Variants in ZNF783 observed in about 807,000 individuals in gnomAD.
ZNF783 encodes the protein zinc finger protein 783.
In ZNF783, 25 loss-of-function variants were observed where a neutral mutation model predicts 31.3. The ratio of observed to expected loss-of-function variants is 0.80; its 90% CI spans 0.58 to 1.11. The LOEUF is 1.11. Ranked by LOEUF, ZNF783 falls within the 50% of genes most tolerant of loss-of-function variation. The pLI is 0.00. For missense variants in ZNF783, 797 were observed against 760.0 expected (o/e 1.05, Z -0.57); for synonymous variants, 369 against 319.1 (o/e 1.16, Z -1.66).
At chr7:149,262,821 G>C (rs545216199) in intron 1 of ZNF783, among the ~76,000 whole-genome samples, 1 of 152,254 alleles carries the variant, frequency 6.6e-6, no homozygotes, top group Non-Finnish European at 1.5e-5. Context: ...TTTGGAATTA[G>C]ACACTTTAAA....
At chr7:149,267,273 C>T (rs878949546) in intron 4 of ZNF783, 51 bp downstream of exon 4, 4 of 1,536,936 alleles carry the variant, frequency 2.6e-6, no homozygotes, top group African/African-American at 1.4e-5. Context: ...GCTAGCTGCA[C>T]CATCGCCTAC....
At chr7:149,263,182 C>T (rs903601682) in intron 1 of ZNF783, among the ~76,000 whole-genome samples, 1 of 151,916 alleles carries the variant, frequency 6.6e-6, no homozygotes, top group Non-Finnish European at 1.5e-5. Flanking sequence ...CCGCCCCGGC[C>T]TCCCAAAGTG....
rs1420983878 is a variant in ZNF783 at position 149,282,134 on chromosome 7, C to T, written c.1432C>T (p.Pro478Ser). 1.0e-5 allele frequency: 16 copies of T among 1,599,576 alleles called. No homozygotes were observed. The highest frequency in any genetic ancestry group is 1.4e-5 in the Non-Finnish European group (16 of 1,179,350). The part of the protein sequence containing the change: ...CPYCGKAFRR[P>S]SDLFRHQRIH... ...CTACTGCGGCAAGGCCTTCCGCCGG[C>T]CCTCGGACCTCTTCCGGCACCAGCG... The change falls in exon 6 of 6, where the codon CCC (proline) becomes TCC (serine). Residue 478 changes from proline to serine, a missense_variant. Transcript: ENST00000434415.
In ZNF783 at chr7:149,282,026, C is replaced by T. The variant is rs758343751; in HGVS notation, c.1324C>T (p.Leu442=). 1.0e-4 allele frequency: 165 copies of T among 1,587,688 alleles called. No homozygotes were observed. Among genetic ancestry groups the T allele is most frequent in the Non-Finnish European group, 1.3e-4 (152 of 1,175,128 alleles). The change falls in exon 6 of 6, where the codon CTG becomes TTG. Residue 442 remains leucine (L), a synonymous_variant. Coordinates refer to ENST00000434415, the MANE Select transcript of ZNF783 (RefSeq NM_001195220.2). The part of the protein sequence containing the change: ...ASKMYHCSEC[L]RFFQQRKSLL... The stretch of plus-strand genomic sequence containing the variant: ...CAAGATGTACCACTGCAGCGAGTGC[C>T]TGCGCTTCTTCCAGCAGCGCAAGAG...
At position 149,279,654 on chromosome 7, in the gene ZNF783, T is replaced by TTA. The variant is rs1554479776; in HGVS notation, c.802+1127_802+1128insTA. ...TTTGTTTTTTTTTTTTTTTTTTTTT[T>TTA]AATTTTTTTTTTTTTATTGATCATT... On this transcript the variant is annotated intron_variant, in intron 5 of 5. Transcript: ENST00000434415. Among the ~76,000 whole-genome samples the TTA allele has an allele frequency of 5.4e-4, 69 of 128,354 alleles. No individual in the cohort carries two copies. In the South Asian group the frequency reaches 6.0e-3, roughly 11 times the overall value. 84.2% of individuals were successfully genotyped at this position (128,354 alleles called of 152,430 possible). A position where few individuals can be genotyped will look rare whatever the true frequency, so the allele number is the denominator to read the frequency against.
At chr7:149,280,277 CAGA>C (rs1420637596) in intron 5 of ZNF783, among the ~76,000 whole-genome samples, 1 of 152,214 alleles carries the variant, frequency 6.6e-6, no homozygotes, top group East Asian at 1.9e-4. Context: ...TTGATTAAGC[CAGA>C]AGGAGAGTCT....
At chr7:149,278,038 TGGA>T (rs1004147514) in intron 4 of ZNF783, 323 of 445,542 alleles carry the variant, frequency 7.2e-4, no homozygotes, top group South Asian at 1.1e-3. Context: ...AAGAGCAGCT[TGGA>T]GGAGGAGGAG....
At chr7:149,279,632 G>GTTTTTTTTTTTTTTTTTTTTTTTTTTTTT (rs764203926) in intron 5 of ZNF783, among the ~76,000 whole-genome samples, 1 of 100,342 alleles carries the variant, frequency 1.0e-5, no homozygotes, top group Non-Finnish European at 2.0e-5. Context: ...TTTTATCTTT[G>GTTTTTTTTTTTTTTTTTTTTTTTTTTTTT]TTTTTTTTTT....
At chr7:149,279,586 G>A (rs1019652061) in intron 5 of ZNF783, among the ~76,000 whole-genome samples, 35 of 151,654 alleles carry the variant, frequency 2.3e-4, no homozygotes, top group Non-Finnish European at 4.4e-4. Context: ...GGCCCTCGCC[G>A]AGTCTTTCTC....
chr7:149,281,968 C>T lies in ZNF783; in HGVS notation c.1266C>T (p.Gly422=). The change falls in exon 6 of 6, where the codon GGC becomes GGT. Residue 422 remains glycine (G), a synonymous_variant. Transcript: ENST00000434415. ...AGGGTCGCCGCTCCGTGGCAGGGGG[C>T]CGTGCCTTGGTGGGGCGGCGGCCTG... The part of the protein sequence containing the change: ...EPEGRRSVAG[G]RALVGRRPAA... 2 of 1,571,096 alleles carry T rather than the reference C, an allele frequency of 1.3e-6. No individual in the cohort carries two copies.
chr7:149,279,811 A>C (rs1797420259), intron 5 of ZNF783, among the ~76,000 whole-genome samples: 1 of 151,830 alleles, frequency 6.6e-6, no homozygotes. Context: ...ACAGGAACCC[A>C]AGGCAGAAGA....
intron 1 of ZNF783, among the ~76,000 whole-genome samples, chr7:149,262,575 G>A (rs1055021146): frequency 3.5e-4 from 54 of 152,240 alleles, no homozygotes; most frequent in Non-Finnish European, 7.3e-5. Flanking sequence ...GTCAGCGGCT[G>A]ACGATCCGGC....
intron 4 of ZNF783, among the ~76,000 whole-genome samples, chr7:149,270,284 A>G (rs1797179907): frequency 6.6e-6 from 1 of 152,198 alleles, no homozygotes; most frequent in Non-Finnish European, 1.5e-5. Flanking sequence ...GCACGCCACC[A>G]TATCCGGCTA....
At chr7:149,265,555 G>T (rs1376538959) in intron 1 of ZNF783, among the ~76,000 whole-genome samples, 3 of 152,126 alleles carry the variant, frequency 2.0e-5, no homozygotes, top group Non-Finnish European at 4.4e-5. Flanking sequence ...TCTTACAAGG[G>T]CGCTAATCCT....
intron 1 of ZNF783, among the ~76,000 whole-genome samples, chr7:149,265,497 A>G (rs1436438300): frequency 3.3e-5 from 5 of 152,012 alleles, no homozygotes; most frequent in South Asian, 2.1e-4. Context: ...CTGCCTTCTC[A>G]TTGTATCCTC....
rs750836942 is a variant in ZNF783, at chr7:149,281,664, C to A, written c.962C>A (p.Pro321His). The A allele has an allele frequency of 6.6e-7, 1 of 1,521,302 alleles. No individual in the cohort carries two copies. Among genetic ancestry groups the A allele is most frequent in the Non-Finnish European group, 8.7e-7 (1 of 1,146,316 alleles). The allele number at this position is 1,521,302 out of a possible 1,614,324, so 94.2% of individuals were successfully genotyped here. A position where few individuals can be genotyped will look rare whatever the true frequency, so the allele number is the denominator to read the frequency against. The change falls in exon 6 of 6, where the codon CCC (proline) becomes CAC (histidine). Residue 321 changes from proline (P) to histidine (H), a missense_variant. Pro to His is a moderately conservative substitution (Grantham distance 77). Transcript: ENST00000434415. ...AGCCGTCATCAGGCCCAGGGCATGCCCAGGGTGCGGGCAGGGGAGCCACGG... is the reference window on the plus strand; with the variant it reads ...AGCCGTCATCAGGCCCAGGGCATGCACAGGGTGCGGGCAGGGGAGCCACGG... The part of the protein sequence containing the change: ...GPSRHQAQGM[P>H]RVRAGEPRPP...
At position 149,282,246 on chromosome 7, in the gene ZNF783, C is replaced by T. The variant is rs1797495291; in HGVS notation, c.1544C>T (p.Thr515Ile). Residue 515 changes from threonine to isoleucine, a missense_variant, in exon 6 of 6, where the codon ACC (threonine) becomes ATC (isoleucine). Thr to Ile is a moderately conservative substitution (Grantham distance 89). Coordinates refer to ENST00000434415, the MANE Select transcript of ZNF783 (RefSeq NM_001195220.2). ...RNHHLAVHMQ[T>I]HARGQVGPHF... The stretch of plus-strand genomic sequence containing the variant: ...CACCACCTGGCCGTGCACATGCAGA[C>T]CCACGCCCGAGGCCAGGTGGGCCCA... The T allele has an allele frequency of 1.3e-6, 2 of 1,597,128 alleles. No individual in the cohort carries two copies. The highest frequency in any genetic ancestry group is 4.5e-5 in the East Asian group (2 of 44,810).
intron 4 of ZNF783, chr7:149,278,196 C>G: frequency 7.3e-7 from 1 of 1,371,684 alleles, no homozygotes; most frequent in South Asian, 1.6e-5. Flanking sequence ...AATTCCTGTG[C>G]TGCAGTTTCC....
rs983286907 is a variant in ZNF783 at position 149,284,850 on chromosome 7, C to T, written c.*2507C>T. The T allele has an allele frequency of 6.6e-6, 1 of 152,160 alleles. No homozygotes were observed. Among genetic ancestry groups the T allele is most frequent in the Admixed American group, 6.5e-5 (1 of 15,274 alleles). The allele number at this position is 152,160 out of a possible 1,614,324, so 9.4% of individuals were successfully genotyped here. ...GACTCAGTGGGAGCCCTGGTTGGGC[C>T]CCAAACTCTCCCAGCAGGGTCCTCG... On this transcript the variant is annotated 3_prime_UTR_variant, in exon 6 of 6. Coordinates refer to ENST00000434415, the MANE Select transcript of ZNF783 (RefSeq NM_001195220.2).
Sources: allele counts gnomAD v4.1 joint callset (sites outside exome capture counted in the v4.1 genomes callset), GRCh38; gene constraint gnomAD v4.1.1; transcripts MANE v1.5; gene names NCBI Gene and HGNC (gene_info 2026-07-23, HGNC 2026-07-21).